PTER: variants seen among roughly 807,000 people sequenced by gnomAD.
PTER encodes phosphotriesterase related, also known as N-acetyltaurine hydrolase.
Under a neutral mutation model 29.6 loss-of-function variants are expected in PTER, and 38 were observed. The ratio of observed to expected loss-of-function variants is 1.28; its 90% CI spans 0.99 to 1.68. PTER has a LOEUF of 1.68. PTER is among the 40% of genes most tolerant of loss of function. The pLI is 0.00. For missense variants in PTER, 482 were observed against 427.8 expected, an observed-to-expected ratio of 1.13 and a Z score of -1.12; for synonymous variants, 172 against 154.5, an observed-to-expected ratio of 1.11 and a Z score of -0.84.
chr10:16,487,053 C>T (rs970777419), intron 3 of PTER, among the ~76,000 whole-genome samples: 8 of 152,136 alleles, frequency 5.3e-5, no homozygotes, highest in African/African-American at 1.7e-4. Context: ...GAGAAGAAAA[C>T]CGCAAATATA....
At chr10:16,466,813 C>A (rs1024956873) in intron 1 of PTER, among the ~76,000 whole-genome samples, 1 of 152,154 alleles carries the variant, frequency 6.6e-6, no homozygotes, top group Non-Finnish European at 1.5e-5. Context: ...AATCATACAG[C>A]CTTTCTGTGA....
At chr10:16,463,300 C>T (rs1009585166) in intron 1 of PTER, among the ~76,000 whole-genome samples, 5 of 151,702 alleles carry the variant, frequency 3.3e-5, no homozygotes, top group Admixed American at 2.0e-4. Flanking sequence ...CCTGATAAAC[C>T]ACTTAATTAA....
downstream of PTER, among the ~76,000 whole-genome samples, chr10:16,515,564 G>C (rs1180711438): frequency 6.6e-6 from 1 of 152,164 alleles, no homozygotes; most frequent in Admixed American, 6.5e-5. Flanking sequence ...TTTGAGGGCA[G>C]AGGCTGCTTA....
chr10:16,438,062 G>A (rs992306072), intron 1 of PTER, among the ~76,000 whole-genome samples: 1 of 152,192 alleles, frequency 6.6e-6, no homozygotes, highest in African/African-American at 2.4e-5. Flanking sequence ...CTGGAGTGCA[G>A]TGGTGCGATC....
chr10:16,450,602 C>T (rs989073437), intron 1 of PTER, among the ~76,000 whole-genome samples: 2 of 152,148 alleles, frequency 1.3e-5, no homozygotes, highest in Non-Finnish European at 2.9e-5. Context: ...AGATCAGCCA[C>T]TCACATGATA....
intron 3 of PTER, among the ~76,000 whole-genome samples, chr10:16,503,808 G>C (rs1002617401): frequency 2.0e-5 from 3 of 152,150 alleles, no homozygotes; most frequent in African/African-American, 7.2e-5. Context: ...ACAAACTGCT[G>C]GGATTGAGCC....
rs1357601141 is a variant in PTER at position 16,512,267 on chromosome 10, C to CTGTT, written c.*1012_*1015dup. ...TGTGTAAATAAAATGTTTTTAAAAC[C>CTGTT]TGTTAGTTAAAACACTTAGGTGATG... On this transcript the variant is annotated 3_prime_UTR_variant, in exon 5 of 5. Coordinates refer to ENST00000535784, the MANE Select transcript of PTER (RefSeq NM_001261836.2). 6.6e-6 allele frequency: 1 copy of CTGTT among 152,060 alleles called. No individual in the cohort carries two copies. The highest frequency in any genetic ancestry group is 1.5e-5 in the Non-Finnish European group (1 of 67,982). The allele number at this position is 152,060 out of a possible 1,614,324, so 9.4% of individuals were successfully genotyped here. A position where few individuals can be genotyped will look rare whatever the true frequency, so the allele number is the denominator to read the frequency against.
downstream of PTER, among the ~76,000 whole-genome samples, chr10:16,515,639 T>C (rs1048549468): frequency 6.6e-6 from 1 of 152,176 alleles, no homozygotes; most frequent in Non-Finnish European, 1.5e-5. Context: ...AACAGTCAAA[T>C]TGCCTATCAT....
chr10:16,491,159 C>T (rs1184016766), intron 3 of PTER, among the ~76,000 whole-genome samples: 2 of 152,058 alleles, frequency 1.3e-5, no homozygotes, highest in African/African-American at 2.4e-5. Context: ...CTGAGACCAT[C>T]GCTAGAGCAG....
downstream of PTER, chr10:16,514,216 A>T: frequency 2.3e-6 from 1 of 430,740 alleles, no homozygotes. Flanking sequence ...ATATATATAG[A>T]AGAAATAATT....
chr10:16,472,193 A>G (rs1423246266), intron 1 of PTER, among the ~76,000 whole-genome samples: 1 of 152,190 alleles, frequency 6.6e-6, no homozygotes, highest in East Asian at 1.9e-4. Context: ...AAAAAATTGC[A>G]GTTGGTTATT....
chr10:16,498,835 C>G (rs948709421), intron 3 of PTER, among the ~76,000 whole-genome samples: 1 of 152,180 alleles, frequency 6.6e-6, no homozygotes. Context: ...ATAAATGCAA[C>G]TTCAGTAGCG....
chr10:16,514,420 C>A (rs989865539), downstream of PTER: 3 of 851,318 alleles, frequency 3.5e-6, no homozygotes, highest in Non-Finnish European at 5.7e-6. Flanking sequence ...CACATATACA[C>A]AACTGAGGTG....
chr10:16,484,796 A>T lies in PTER; in HGVS notation c.412A>T (p.Arg138Trp), dbSNP rs142960728. Residue 138 changes from arginine (R) to tryptophan (W), a missense_variant, in exon 2 of 5, where the codon AGG (arginine) becomes TGG (tryptophan). Transcript: ENST00000535784. ...YVDATHSSET[R>W]AMSVEQLTDV... is the part of the protein sequence containing the mutation. Reference sequence around the variant, plus strand: ...GGATGCAACTCACTCCTCAGAGACCAGGGCCATGTCAGTGGAGCAGGTAAA... The same window carrying T: ...GGATGCAACTCACTCCTCAGAGACCTGGGCCATGTCAGTGGAGCAGGTAAA... The T allele has an allele frequency of 1.7e-4, 274 of 1,607,468 alleles. 1 individual carries two copies. The Middle Eastern group carries it at 4.2e-3, about 25-fold the overall frequency.
At chr10:16,467,158 A>C (rs1274129509) in intron 1 of PTER, among the ~76,000 whole-genome samples, 2 of 152,188 alleles carry the variant, frequency 1.3e-5, no homozygotes, top group African/African-American at 4.8e-5. Flanking sequence ...ACAGTCTGAA[A>C]ATATTAAGGT....
chr10:16,459,305 T>C (rs2133388275), intron 1 of PTER, among the ~76,000 whole-genome samples: 1 of 152,328 alleles, frequency 6.6e-6, no homozygotes, highest in South Asian at 2.1e-4. Context: ...TATTTTACTA[T>C]TAGAGAATCA....
chr10:16,444,560 A>T (rs963314591), intron 1 of PTER, among the ~76,000 whole-genome samples: 2 of 151,526 alleles, frequency 1.3e-5, no homozygotes, highest in Non-Finnish European at 2.9e-5. Context: ...TGGTTAATTT[A>T]AAAACATTTT....
chr10:16,457,224 G>GT (rs1044341536), intron 1 of PTER, among the ~76,000 whole-genome samples: 4 of 146,448 alleles, frequency 2.7e-5, no homozygotes, highest in African/African-American at 5.0e-5. Flanking sequence ...TTGTTTGTTT[G>GT]TTTTTTGAGA....
In PTER at chr10:16,477,201, G is replaced by A. The variant is rs192486231; in HGVS notation, c.-48-7136G>A. ...TTACAGGCATGTGCCACCATGCTGG[G>A]CCTAGAGTTTTCTTTTAAACTTTGA... is the stretch of plus-strand genomic sequence containing the variant. On this transcript the variant is annotated intron_variant, in intron 1 of 4. Transcript: ENST00000535784. 4.8e-4 allele frequency among the ~76,000 whole-genome samples: 73 copies of A among 152,182 alleles called. 1 individual carries two copies. The highest frequency in any genetic ancestry group is 1.7e-3 in the African/African-American group (72 of 41,534).
Sources: allele counts gnomAD v4.1 joint callset (sites outside exome capture counted in the v4.1 genomes callset), GRCh38; gene constraint gnomAD v4.1.1; transcripts MANE v1.5; gene names NCBI Gene and HGNC (gene_info 2026-07-23, HGNC 2026-07-21).